The following IRAG2 variants were observed in gnomAD, a reference collection of about 807,000 sequenced individuals.
The protein encoded by IRAG2 is lymphoid restricted membrane protein.
In IRAG2, 45 loss-of-function variants were observed where a neutral mutation model predicts 69.9. The observed-to-expected ratio is 0.64, with a 90% CI of 0.51 to 0.83. The LOEUF (loss-of-function observed/expected upper bound fraction) is 0.83, where lower values mean the gene tolerates loss of function less well. IRAG2 is among the 40% of genes least tolerant of loss of function. The probability of loss-of-function intolerance (pLI) is 0.00; values close to 1 mark genes in which losing one functional copy is unlikely to be tolerated. For synonymous variants in IRAG2, 193 were observed against 202.4 expected, an observed-to-expected ratio of 0.95 and a Z score of 0.40; for missense variants, 520 against 587.0, an observed-to-expected ratio of 0.89 and a Z score of 1.18.
At chr12:25,058,204 G>A (rs916457198) in intron 1 of IRAG2, among the ~76,000 whole-genome samples, 1 of 152,118 alleles carries the variant, frequency 6.6e-6, no homozygotes, top group African/African-American at 2.4e-5. Context: ...AGCATTTCAC[G>A]CTCCCACCAG....
At chr12:25,052,204 C>T (rs1031678223), upstream of IRAG2, 108 of 276,880 alleles carry the variant, frequency 3.9e-4, no homozygotes, top group Middle Eastern at 4.6e-3. Context: ...GCGGTTTGGA[C>T]TTTTTTTTTT....
chr12:25,072,987 T>C (rs1000656979), intron 6 of IRAG2, among the ~76,000 whole-genome samples: 1 of 152,212 alleles, frequency 6.6e-6, no homozygotes, highest in Non-Finnish European at 1.5e-5. Context: ...GCATAAAATG[T>C]TGACATTCAA....
At chr12:25,011,734 TGG>T in intron 3 of IRAG2, among the ~76,000 whole-genome samples, 1 of 152,312 alleles carries the variant, frequency 6.6e-6, no homozygotes, top group East Asian at 1.9e-4. Context: ...TCAGCAGATC[TGG>T]GGTGAAGCCT....
intron 5 of IRAG2, chr12:25,015,509 C>A: frequency 2.2e-6 from 2 of 902,348 alleles, no homozygotes; most frequent in Admixed American, 4.3e-5. Context: ...ATTTCAGTTA[C>A]AATGAAGTCA....
At chr12:25,049,396 T>C (rs7137683), upstream of IRAG2, among the ~76,000 whole-genome samples, 121,568 of 152,070 alleles carry the variant, frequency 0.8, 49,888 homozygotes, top group South Asian at 0.9. Flanking sequence ...TTTTTCCATT[T>C]GTTTGTGTCC....
chr12:25,062,025 G>A (rs1945665072), intron 2 of IRAG2, among the ~76,000 whole-genome samples: 1 of 152,084 alleles, frequency 6.6e-6, no homozygotes, highest in South Asian at 2.1e-4. Flanking sequence ...TCTTGAATAG[G>A]CTTTGATGGT....
At chr12:25,080,063 TG>T (rs143228663) in intron 9 of IRAG2, among the ~76,000 whole-genome samples, 14,379 of 152,236 alleles carry the variant, frequency 0.094, 761 homozygotes, top group South Asian at 0.15. Context: ...TGGAATTTAC[TG>T]GGTTTCAACT....
intron 10 of IRAG2, 79 bp from the exon 11 acceptor site, chr12:25,088,021 G>A: frequency 9.6e-7 from 1 of 1,038,910 alleles, no homozygotes; most frequent in South Asian, 1.3e-5. Flanking sequence ...GTAGGCTTAG[G>A]AGAGGACAGG....
At chr12:25,040,394 C>T (rs1052992796) in intron 16 of IRAG2, among the ~76,000 whole-genome samples, 7 of 151,980 alleles carry the variant, frequency 4.6e-5, no homozygotes, top group African/African-American at 1.7e-4. Context: ...GTAGTCTCAG[C>T]TACTTGGGAG....
chr12:25,018,850 C>T (rs142595143), intron 6 of IRAG2, among the ~76,000 whole-genome samples: 2,634 of 152,338 alleles, frequency 0.017, 24 homozygotes, highest in Non-Finnish European at 0.025. Context: ...AATTAAGCCA[C>T]GTGTCTTTCT....
chr12:25,006,057 G>C (rs1172104978), intron 2 of IRAG2, among the ~76,000 whole-genome samples: 1 of 152,084 alleles, frequency 6.6e-6, no homozygotes, highest in African/African-American at 2.4e-5. Flanking sequence ...TCATTAAAAA[G>C]TGGGCAAAGG....
intron 8 of IRAG2, among the ~76,000 whole-genome samples, chr12:25,025,701 C>T (rs1944616231): frequency 6.6e-6 from 1 of 152,180 alleles, no homozygotes. Flanking sequence ...CAGTCAAAAG[C>T]TGATGGGGGC....
chr12:25,003,312 A>C (rs1944405989), upstream of IRAG2, among the ~76,000 whole-genome samples: 1 of 152,184 alleles, frequency 6.6e-6, no homozygotes, highest in South Asian at 2.1e-4. Context: ...AACTATTTTA[A>C]CCTTTTGCCT....
chr12:25,096,461 A>G (rs1370555954), intron 14 of IRAG2, among the ~76,000 whole-genome samples: 2 of 152,204 alleles, frequency 1.3e-5, no homozygotes, highest in Admixed American at 6.5e-5. Context: ...TCATAAGGCA[A>G]TGAATGTATA....
intron 16 of IRAG2, among the ~76,000 whole-genome samples, chr12:25,043,804 A>G (rs1280140608): frequency 6.6e-6 from 1 of 152,196 alleles, no homozygotes; most frequent in Non-Finnish European, 1.5e-5. Flanking sequence ...TCTAATGCAT[A>G]GTTAAAAAGA....
intron 6 of IRAG2, among the ~76,000 whole-genome samples, chr12:25,075,461 T>A (rs969820205): frequency 1.3e-5 from 2 of 152,080 alleles, no homozygotes; most frequent in African/African-American, 2.4e-5. Flanking sequence ...TAAAAGTTAT[T>A]TTTTATTGTT....
At chr12:25,049,982 C>CAAAAAAAAAA (rs56185966), upstream of IRAG2, among the ~76,000 whole-genome samples, 212 of 71,260 alleles carry the variant, frequency 3.0e-3, 28 homozygotes, top group African/African-American at 0.012. Context: ...AACTGTGTCT[C>CAAAAAAAAAA]AAAAAAAAAA....
intron 6 of IRAG2, chr12:25,076,233 A>G (rs1175260680): frequency 6.0e-5 from 10 of 166,906 alleles, no homozygotes; most frequent in Admixed American, 5.9e-4. Flanking sequence ...TGAGAATAAC[A>G]TCCAGTTGCT....
chr12:25,096,880 A>G lies in IRAG2; in HGVS notation c.607-30A>G, dbSNP rs771558398. On this transcript the variant is annotated intron_variant, in intron 14 of 21. Coordinates refer to ENST00000556887, the MANE Select transcript of IRAG2 (RefSeq NM_001366544.2). ...ATCACTCGCTGAATGCTTGTGTTAG[A>G]TATCTTTTAATATGCTGTTTTCTAT... The G allele has an allele frequency of 6.3e-6, 10 of 1,578,618 alleles. No homozygotes were observed. In the African/African-American group the frequency reaches 8.2e-5, roughly 13 times the overall value.
Sources: gnomAD v4.1 joint callset for allele counts (sites outside exome capture counted in the v4.1 genomes callset) on GRCh38, gnomAD v4.1.1 for gene constraint, MANE v1.5 for transcripts, NCBI Gene and HGNC (gene_info 2026-07-23, HGNC 2026-07-21) for gene names.